CADM2: variants seen among roughly 807,000 people sequenced by gnomAD.
CADM2 encodes the protein cell adhesion molecule 2, also known as immunoglobulin superfamily member 4D.
A neutral mutation model predicts 49.8 loss-of-function variants in CADM2; 12 were observed. The observed-to-expected ratio is 0.24, with a 90% CI of 0.15 to 0.39. CADM2 has a LOEUF of 0.39. Among genes scored for constraint, CADM2 ranks in the 10% least tolerant of loss-of-function variants. CADM2 has a pLI of 1.00. For synonymous variants in CADM2, 214 were observed against 175.4 expected, an observed-to-expected ratio of 1.22 and a Z score of -1.74; for missense variants, 378 against 492.3, an observed-to-expected ratio of 0.77 and a Z score of 2.20.
At chr3:85,533,476 A>C (rs1334237725) in intron 1 of CADM2, among the ~76,000 whole-genome samples, 6 of 152,150 alleles carry the variant, frequency 3.9e-5, no homozygotes, top group Admixed American at 3.3e-4. Context: ...CAAAACACAG[A>C]TTTTCTGAGA....
chr3:85,503,285 T>G (rs2040192515), intron 1 of CADM2, among the ~76,000 whole-genome samples: 1 of 152,214 alleles, frequency 6.6e-6, no homozygotes, highest in African/African-American at 2.4e-5. Context: ...ATAAGCATGC[T>G]TCTGTTGGAA....
At chr3:85,846,646 C>A (rs1054852582) in intron 3 of CADM2, among the ~76,000 whole-genome samples, 3 of 151,966 alleles carry the variant, frequency 2.0e-5, no homozygotes, top group African/African-American at 4.8e-5. Flanking sequence ...GCAGGACAAT[C>A]GCATGTAGCC....
At chr3:85,552,790 C>T (rs1465967678) in intron 1 of CADM2, among the ~76,000 whole-genome samples, 5 of 151,992 alleles carry the variant, frequency 3.3e-5, no homozygotes, top group Admixed American at 2.6e-4. Flanking sequence ...GATTTTCCTT[C>T]CTCAGCCTTC....
At chr3:85,740,960 G>A (rs553593168) in intron 2 of CADM2, among the ~76,000 whole-genome samples, 8 of 152,244 alleles carry the variant, frequency 5.3e-5, no homozygotes, top group African/African-American at 1.7e-4. Flanking sequence ...AATAAGCCTA[G>A]GTAATCCTAG....
chr3:84,960,047 T>TG, intron 1 of CADM2: 1 of 334,730 alleles, frequency 3.0e-6, no homozygotes, highest in Non-Finnish European at 5.5e-6. Flanking sequence ...ATCACGCTCT[T>TG]GAGCGACCCT....
At chr3:85,252,270 A>G (rs1354721885) in intron 1 of CADM2, among the ~76,000 whole-genome samples, 1 of 151,992 alleles carries the variant, frequency 6.6e-6, no homozygotes, top group African/African-American at 2.4e-5. Flanking sequence ...ACTCAGGGAA[A>G]AGTGGAATTT....
chr3:85,055,384 A>G (rs1406179415), intron 1 of CADM2, among the ~76,000 whole-genome samples: 1 of 152,018 alleles, frequency 6.6e-6, no homozygotes, highest in Non-Finnish European at 1.5e-5. Flanking sequence ...GTTTTCAGAC[A>G]TATCATCAAG....
At chr3:85,067,221 A>T (rs2036558025) in intron 1 of CADM2, among the ~76,000 whole-genome samples, 1 of 152,058 alleles carries the variant, frequency 6.6e-6, no homozygotes, top group African/African-American at 2.4e-5. Flanking sequence ...TTAGGAAAGT[A>T]CAACTAATAT....
intron 1 of CADM2, among the ~76,000 whole-genome samples, chr3:85,587,494 T>C (rs1405065068): frequency 6.6e-6 from 1 of 152,038 alleles, no homozygotes; most frequent in African/African-American, 2.4e-5. Context: ...TGCCACTGAA[T>C]ATATATTAAA....
chr3:85,735,406 G>A (rs1349924709), intron 2 of CADM2, among the ~76,000 whole-genome samples: 1 of 152,136 alleles, frequency 6.6e-6, no homozygotes, highest in Non-Finnish European at 1.5e-5. Flanking sequence ...GAATAGAAAA[G>A]CATGAGCCTG....
intron 1 of CADM2, among the ~76,000 whole-genome samples, chr3:85,332,076 T>C (rs1210310220): frequency 2.0e-5 from 3 of 152,048 alleles, no homozygotes; most frequent in Non-Finnish European, 2.9e-5. Context: ...CAATTGAAAA[T>C]AAATATCCTC....
chr3:85,222,586 G>A (rs2042067380), intron 1 of CADM2, among the ~76,000 whole-genome samples: 1 of 152,080 alleles, frequency 6.6e-6, no homozygotes, highest in African/African-American at 2.4e-5. Flanking sequence ...TCTGTAACAT[G>A]TGTAATCCAA....
At chr3:85,778,093 A>G (rs1399146332) in intron 2 of CADM2, among the ~76,000 whole-genome samples, 2 of 152,150 alleles carry the variant, frequency 1.3e-5, no homozygotes, top group African/African-American at 2.4e-5. Context: ...GCCCTAAATA[A>G]TGGTAGCATG....
At chr3:85,821,272 A>C (rs935448917) in intron 3 of CADM2, among the ~76,000 whole-genome samples, 1 of 152,130 alleles carries the variant, frequency 6.6e-6, no homozygotes, top group African/African-American at 2.4e-5. Flanking sequence ...AAGAACAGGG[A>C]GGGCAGGATC....
chr3:86,014,375 C>G, intron 8 of CADM2: 1 of 1,439,662 alleles, frequency 6.9e-7, no homozygotes. Flanking sequence ...CAGCTGGTAG[C>G]TTGACTGTAG....
intron 1 of CADM2, among the ~76,000 whole-genome samples, chr3:85,098,342 G>A (rs536491440): frequency 6.6e-6 from 1 of 150,900 alleles, no homozygotes; most frequent in African/African-American, 2.4e-5. Context: ...TTAAATGTAA[G>A]AGGGAAAAAA....
intron 1 of CADM2, among the ~76,000 whole-genome samples, chr3:85,151,710 T>C (rs971738519): frequency 6.6e-6 from 1 of 152,192 alleles, no homozygotes; most frequent in African/African-American, 2.4e-5. Context: ...TAAATAACAA[T>C]ACATTCATTT....
chr3:85,016,151 A>C (rs540663428), intron 1 of CADM2, among the ~76,000 whole-genome samples: 1 of 152,210 alleles, frequency 6.6e-6, no homozygotes, highest in Non-Finnish European at 1.5e-5. Flanking sequence ...GTCCAGAAGA[A>C]TATAAAGTAA....
At chr3:85,105,571 T>A (rs940008427) in intron 1 of CADM2, among the ~76,000 whole-genome samples, 4 of 152,160 alleles carry the variant, frequency 2.6e-5, no homozygotes, top group African/African-American at 9.7e-5. Context: ...AAATACCATT[T>A]GACCCAGCCA....
Sources: allele counts gnomAD v4.1 joint callset (sites outside exome capture counted in the v4.1 genomes callset), GRCh38; gene constraint gnomAD v4.1.1; transcripts MANE v1.5; gene names NCBI Gene and HGNC (gene_info 2026-07-23, HGNC 2026-07-21).